TSPAN14: variants seen among roughly 807,000 people sequenced by gnomAD.
TSPAN14 encodes the protein tetraspanin 14.
In TSPAN14, 16 loss-of-function variants were observed where a neutral mutation model predicts 36.6. That is an observed-to-expected ratio of 0.44 (90% CI 0.30 to 0.66). The LOEUF is 0.66. Ranked by LOEUF, TSPAN14 falls within the 30% of genes least tolerant of loss-of-function variation. The pLI, the probability that TSPAN14 is intolerant of heterozygous loss-of-function variation, is 0.12. For synonymous variants in TSPAN14, 139 were observed against 143.8 expected, an observed-to-expected ratio of 0.97 and a Z score of 0.24; for missense variants, 231 against 355.1, an observed-to-expected ratio of 0.65 and a Z score of 2.81.
chr10:80,512,756 T>A (rs1840727025), intron 6 of TSPAN14, among the ~76,000 whole-genome samples: 1 of 152,158 alleles, frequency 6.6e-6, no homozygotes, highest in Non-Finnish European at 1.5e-5. Context: ...TGTAGTGGCA[T>A]GATCTTGGCT....
At chr10:80,518,256 G>A (rs1367985104) in exon 9 of TSPAN14, 14 of 480,210 alleles carry the variant, frequency 2.9e-5, no homozygotes, top group East Asian at 3.8e-5. Context: ...AGACAGAGAG[G>A]GCTCCTGTGG....
chr10:80,473,128 A>C (rs941584615), intron 1 of TSPAN14, among the ~76,000 whole-genome samples: 23 of 152,288 alleles, frequency 1.5e-4, no homozygotes, highest in African/African-American at 5.3e-4. Flanking sequence ...TAGCTTAAAA[A>C]ATAATAAAAA....
Position 80,486,964 on chromosome 10 carries a change from G to C in TSPAN14, c.-17-2253G>C, listed in dbSNP as rs535001698. ...TGGCTGGGTGTGGTGGCTCATGCAG[G>C]TAATCTCAGCAATTTGGGAGGCCCT... is the stretch of plus-strand genomic sequence containing the variant. On this transcript the variant is annotated intron_variant, in intron 1 of 8. Coordinates refer to ENST00000429989, the Ensembl canonical transcript of TSPAN14. Among the ~76,000 whole-genome samples the C allele has an allele frequency of 8.5e-5, 13 of 152,302 alleles. No homozygotes were observed. In the South Asian group the frequency reaches 2.3e-3, roughly 27 times the overall value.
intron 7 of TSPAN14, 103 bp downstream of exon 7, chr10:80,514,166 A>T: frequency 9.2e-7 from 1 of 1,083,146 alleles, no homozygotes; most frequent in Non-Finnish European, 1.4e-6. Context: ...GGGAAAACTC[A>T]GGGCAGTGAA....
intron 1 of TSPAN14, among the ~76,000 whole-genome samples, chr10:80,462,490 G>A (rs1179275798): frequency 6.6e-6 from 1 of 152,114 alleles, no homozygotes. Flanking sequence ...TGGTCATTGT[G>A]TCATTCCCCT....
chr10:80,463,760 T>A (rs1846095882), intron 1 of TSPAN14, among the ~76,000 whole-genome samples: 1 of 152,196 alleles, frequency 6.6e-6, no homozygotes, highest in Non-Finnish European at 1.5e-5. Context: ...GCATTAGGTG[T>A]GTAAAAGGAA....
intron 1 of TSPAN14, among the ~76,000 whole-genome samples, chr10:80,457,194 C>G (rs1490489646): frequency 1.3e-5 from 2 of 151,042 alleles, no homozygotes; most frequent in African/African-American, 4.9e-5. Context: ...TTTCTCATTT[C>G]TTTTTTTTTG....
intron 8 of TSPAN14, among the ~76,000 whole-genome samples, chr10:80,516,998 A>C (rs1439133585): frequency 1.3e-5 from 2 of 152,206 alleles, no homozygotes; most frequent in Non-Finnish European, 2.9e-5. Context: ...TGGCAGAGAA[A>C]GTCAAGAATT....
intron 2 of TSPAN14, among the ~76,000 whole-genome samples, chr10:80,498,689 A>T (rs946850427): frequency 6.6e-6 from 1 of 152,194 alleles, no homozygotes; most frequent in Non-Finnish European, 1.5e-5. Context: ...CGCCCCTCAC[A>T]TCTCTGCTCT....
chr10:80,486,909 A>G lies in TSPAN14; in HGVS notation c.-17-2308A>G, dbSNP rs535523019. Reference sequence around the variant, plus strand: ...TAGCCCAACCCTCCCCTGAAGGGAAAAAAAAGAACAATTTAAAAAGTCAAA... The same window carrying G: ...TAGCCCAACCCTCCCCTGAAGGGAAGAAAAAGAACAATTTAAAAAGTCAAA... On this transcript the variant is annotated intron_variant, in intron 1 of 8. Coordinates refer to ENST00000429989, the Ensembl canonical transcript of TSPAN14. Among the ~76,000 whole-genome samples, 7 of 152,292 alleles carry G rather than the reference A, an allele frequency of 4.6e-5. No individual in the cohort carries two copies. The South Asian group carries it at 1.5e-3, about 32-fold the overall frequency.
intron 2 of TSPAN14, among the ~76,000 whole-genome samples, chr10:80,490,615 C>G (rs1589271537): frequency 6.6e-6 from 1 of 152,124 alleles, no homozygotes; most frequent in East Asian, 1.9e-4. Flanking sequence ...ACTGTGAGCT[C>G]TGGGTAGGGG....
intron 2 of TSPAN14, among the ~76,000 whole-genome samples, chr10:80,494,716 A>G (rs950199556): frequency 1.3e-5 from 2 of 152,240 alleles, no homozygotes; most frequent in Non-Finnish European, 2.9e-5. Flanking sequence ...ATCTTCAGAC[A>G]AATGATTTCT....
intron 2 of TSPAN14, among the ~76,000 whole-genome samples, chr10:80,491,671 G>A (rs1231883759): frequency 6.6e-6 from 1 of 152,210 alleles, no homozygotes; most frequent in South Asian, 2.1e-4. Flanking sequence ...GTAGTGGAGT[G>A]CATGAATCCA....
rs1363117089 is a variant in TSPAN14, at chr10:80,511,723, TC to T, written c.451-420del. Among the ~76,000 whole-genome samples the T allele has an allele frequency of 2.7e-3, 178 of 65,274 alleles. 2 individuals are homozygous for T. The highest frequency in any genetic ancestry group is 0.011 in the East Asian group (40 of 3,664). The allele number at this position is 65,274 out of a possible 152,430, so 42.8% of individuals were successfully genotyped here. On this transcript the variant is annotated intron_variant, in intron 5 of 8. Coordinates refer to ENST00000429989, the Ensembl canonical transcript of TSPAN14. ...CAAAAGGGCAGGTCCTCTCTCTCTC[TC>T]TCTCTCTCTCTCTCTCTCTCTCTCT...
At chr10:80,493,265 A>T (rs1208640971) in intron 2 of TSPAN14, among the ~76,000 whole-genome samples, 1 of 152,236 alleles carries the variant, frequency 6.6e-6, no homozygotes, top group African/African-American at 2.4e-5. Context: ...ACCGATGTTG[A>T]TGAGGATGTG....
chr10:80,494,590 C>T (rs1415996730), intron 2 of TSPAN14, among the ~76,000 whole-genome samples: 1 of 152,180 alleles, frequency 6.6e-6, no homozygotes, highest in East Asian at 1.9e-4. Flanking sequence ...TTATAGAGGA[C>T]TTGCCACCTC....
exon 6 of TSPAN14, chr10:80,512,242 C>T (rs1365547304): frequency 3.1e-6 from 5 of 1,613,970 alleles, no homozygotes; most frequent in Admixed American, 1.7e-5. Context: ...GCGGGGTCCC[C>T]TTCTCCTGCT....
At chr10:80,474,912 T>C (rs1846770501) in intron 1 of TSPAN14, among the ~76,000 whole-genome samples, 1 of 151,400 alleles carries the variant, frequency 6.6e-6, no homozygotes, top group African/African-American at 2.4e-5. Flanking sequence ...TCCCAAATTT[T>C]CATCTTATTC....
chr10:80,511,065 G>C (rs1840593202), intron 5 of TSPAN14, among the ~76,000 whole-genome samples: 1 of 152,116 alleles, frequency 6.6e-6, no homozygotes, highest in Admixed American at 6.5e-5. Context: ...AGAAATCACT[G>C]TTGTCATTTG....
Sources: gnomAD v4.1 joint callset for allele counts (sites outside exome capture counted in the v4.1 genomes callset) on GRCh38, gnomAD v4.1.1 for gene constraint, MANE v1.5 for transcripts, NCBI Gene and HGNC (gene_info 2026-07-23, HGNC 2026-07-21) for gene names.